Variants in TRIM9 observed in about 807,000 individuals in gnomAD.
TRIM9 encodes the protein tripartite motif containing 9.
Under a neutral mutation model 78.3 loss-of-function variants are expected in TRIM9, and 26 were observed. That is an observed-to-expected ratio of 0.33 (90% confidence interval 0.24 to 0.46). TRIM9 has a LOEUF of 0.46. Among genes scored for constraint, TRIM9 ranks in the 20% least tolerant of loss-of-function variants. The pLI, the probability that TRIM9 is intolerant of heterozygous loss-of-function variation, is 1.00. For missense variants in TRIM9, 787 were observed against 1,036.4 expected (o/e 0.76, Z 3.30); for synonymous variants, 398 against 416.5 (o/e 0.96, Z 0.54).
chr14:51,071,018 G>T (rs2140232650), intron 1 of TRIM9, among the ~76,000 whole-genome samples: 1 of 152,164 alleles, frequency 6.6e-6, no homozygotes, highest in South Asian at 2.1e-4. Flanking sequence ...CTGGAAAAAG[G>T]AATACATTTA....
At chr14:51,022,694 T>G (rs2057868827) in intron 3 of TRIM9, 141 bp downstream of exon 3, 36 of 1,320,590 alleles carry the variant, frequency 2.7e-5, no homozygotes, top group Non-Finnish European at 3.7e-5. Context: ...GTCTGTTCCT[T>G]TCTGGCCAGA....
rs74878259 is a variant in TRIM9, at chr14:50,977,274, G to A, written c.*17C>T. The A allele has an allele frequency of 4.6e-3, 6,725 of 1,469,036 alleles. 224 individuals carry two copies. The African/African-American group carries it at 0.083, about 18-fold the overall frequency. The allele number at this position is 1,469,036 out of a possible 1,614,324, so 91.0% of individuals were successfully genotyped here. A position where few individuals can be genotyped will look rare whatever the true frequency, so the allele number is the denominator to read the frequency against. Reference sequence around the variant, plus strand: ...GCGGAGGTAAGAACAGGCAGCTGGCGCCTCCACGGCACATCCTTAGGCTAT... The same window carrying A: ...GCGGAGGTAAGAACAGGCAGCTGGCACCTCCACGGCACATCCTTAGGCTAT... On this transcript the variant is annotated 3_prime_UTR_variant, in exon 13 of 13. Coordinates refer to ENST00000684578, the MANE Select transcript of TRIM9 (RefSeq NM_001387360.1).
intron 5 of TRIM9, among the ~76,000 whole-genome samples, chr14:51,003,479 TAAATC>T (rs2055352884): frequency 6.6e-6 from 1 of 152,234 alleles, no homozygotes; most frequent in African/African-American, 2.4e-5. Context: ...GGTTTCAACT[TAAATC>T]ATGCAAATGC....
chr14:50,982,245 CAG>C, intron 10 of TRIM9, 142 bp from the exon 11 acceptor site: 1 of 888,936 alleles, frequency 1.1e-6, no homozygotes, highest in Non-Finnish European at 1.7e-6. Context: ...CCAGGGCAGA[CAG>C]GGGCACGTCC....
At chr14:51,010,553 A>G (rs1171597149) in intron 3 of TRIM9, 59 bp from the exon 4 acceptor site, 43 of 1,235,356 alleles carry the variant, frequency 3.5e-5, no homozygotes. Flanking sequence ...GAAGAGAAGC[A>G]AACTGGACCA....
At chr14:50,982,144 C>A in intron 10 of TRIM9, 41 bp from the exon 11 acceptor site, 2 of 1,601,692 alleles carry the variant, frequency 1.2e-6, no homozygotes, top group South Asian at 2.2e-5. Context: ...AAGACAGACC[C>A]AACAAGCTCA....
chr14:50,983,859 C>T (rs1162615049), intron 8 of TRIM9, among the ~76,000 whole-genome samples: 1 of 152,128 alleles, frequency 6.6e-6, no homozygotes, highest in African/African-American at 2.4e-5. Flanking sequence ...GACTTGAGCC[C>T]AAATTAAATA....
At chr14:51,059,430 C>T (rs2061152691) in intron 1 of TRIM9, among the ~76,000 whole-genome samples, 1 of 152,014 alleles carries the variant, frequency 6.6e-6, no homozygotes, top group South Asian at 2.1e-4. Context: ...TATTTGTTCA[C>T]CAATTTTCAA....
At position 50,976,815 on chromosome 14, in the gene TRIM9, G is replaced by C. The variant is rs11550543; in HGVS notation, c.*476C>G. 6.6e-6 allele frequency: 1 copy of C among 152,618 alleles called. No homozygotes were observed. 9.5% of individuals were successfully genotyped at this position (152,618 alleles called of 1,614,324 possible). ...TAAGAGGGTAAGAACATTCTAGCAG[G>C]TAAGCTGTATGCTACAAATTCAGCT... On this transcript the variant is annotated 3_prime_UTR_variant, in exon 13 of 13. Transcript: ENST00000684578.
chr14:51,023,658 A>T (rs960225755), intron 2 of TRIM9, among the ~76,000 whole-genome samples: 1 of 152,254 alleles, frequency 6.6e-6, no homozygotes, highest in African/African-American at 2.4e-5. Flanking sequence ...AAATCTGTAC[A>T]TGCCATAGAC....
chr14:50,986,036 G>C lies in TRIM9; in HGVS notation c.1712C>G (p.Pro571Arg), dbSNP rs1362201144. ...SSTLNLQPSF[P>R]GRSYFDFRSS... ...TCGGAAATCAAAGTAGGATCTCCCG[G>C]GGAAGCTGGGTTGTAGATTAAGGGT... The change falls in exon 8 of 13, where the codon CCC becomes CGC. Residue 571 changes from proline (P) to arginine (R), a missense_variant. Physicochemically the swap from Pro to Arg is moderately radical, Grantham distance 103. Transcript: ENST00000684578. 1 of 1,549,770 alleles carries C rather than the reference G, an allele frequency of 6.5e-7. No homozygotes were observed. The highest frequency in any genetic ancestry group is 8.7e-7 in the Non-Finnish European group (1 of 1,146,556).
rs747197307 is a variant in TRIM9 at position 51,094,609 on chromosome 14, T to C, written c.331A>G (p.Thr111Ala). ...VFPPAMPPPA[T>A]HLSPALAPVP... is the part of the protein sequence containing the mutation. ...GGGGCCAGGGCCGGTGACAAGTGGG[T>C]GGCCGGTGGCGGCATAGCCGGGGGA... Residue 111 changes from threonine (T) to alanine (A), a missense_variant, in exon 1 of 13, where the codon ACC (threonine) becomes GCC (alanine). Transcript: ENST00000684578. 10 of 1,609,104 alleles carry C rather than the reference T, an allele frequency of 6.2e-6. No individual in the cohort carries two copies. The highest frequency in any genetic ancestry group is 1.3e-5 in the African/African-American group (1 of 74,822).
At chr14:51,024,998 G>A (rs977733781) in intron 2 of TRIM9, among the ~76,000 whole-genome samples, 1 of 152,174 alleles carries the variant, frequency 6.6e-6, no homozygotes, top group Non-Finnish European at 1.5e-5. Context: ...TGAATATTCA[G>A]TAGTAGAGAA....
intron 1 of TRIM9, among the ~76,000 whole-genome samples, chr14:51,053,362 G>A (rs2060588365): frequency 6.6e-6 from 1 of 151,702 alleles, no homozygotes; most frequent in Admixed American, 6.6e-5. Context: ...GTCCTAAGAT[G>A]AGTCAGTGCA....
intron 8 of TRIM9, among the ~76,000 whole-genome samples, chr14:50,983,647 T>G (rs1458438371): frequency 6.6e-6 from 1 of 152,198 alleles, no homozygotes; most frequent in African/African-American, 2.4e-5. Flanking sequence ...CTCCTCCAAT[T>G]GATCCTAAAC....
intron 3 of TRIM9, among the ~76,000 whole-genome samples, chr14:51,016,858 T>C (rs1323718859): frequency 6.6e-6 from 1 of 152,182 alleles, no homozygotes; most frequent in Non-Finnish European, 1.5e-5. Flanking sequence ...TTTCAATCCA[T>C]TGTTGGTTGA....
chr14:51,009,044 A>G (rs1343631516), intron 5 of TRIM9, 36 bp downstream of exon 5: 1 of 1,608,850 alleles, frequency 6.2e-7, no homozygotes, highest in Admixed American at 1.7e-5. Flanking sequence ...TCCACTCAGG[A>G]TGTTGCTCTC....
chr14:51,088,647 T>TA (rs533139244), intron 1 of TRIM9, among the ~76,000 whole-genome samples: 216 of 136,574 alleles, frequency 1.6e-3, no homozygotes, highest in Middle Eastern at 3.8e-3. Flanking sequence ...TTCGAGTTGG[T>TA]AAAAAAAAAA....
chr14:50,979,256 C>T lies in TRIM9; in HGVS notation c.2325+131G>A, dbSNP rs1156464202. The T allele has an allele frequency of 9.1e-6, 14 of 1,540,268 alleles. No homozygotes were observed. In the South Asian group the frequency reaches 1.7e-4, roughly 18 times the overall value. Reference sequence around the variant, plus strand: ...GCCAGTGCTGATCCCTTTCTCTCCTCCTCTCCTTCATATCTTGGTCTGGGC... The same window carrying T: ...GCCAGTGCTGATCCCTTTCTCTCCTTCTCTCCTTCATATCTTGGTCTGGGC... On this transcript the variant is annotated intron_variant, in intron 12 of 12. Coordinates refer to ENST00000684578, the MANE Select transcript of TRIM9 (RefSeq NM_001387360.1).
Sources: gnomAD v4.1 joint callset for allele counts (sites outside exome capture counted in the v4.1 genomes callset) on GRCh38, gnomAD v4.1.1 for gene constraint, MANE v1.5 for transcripts, NCBI Gene and HGNC (gene_info 2026-07-23, HGNC 2026-07-21) for gene names.